Variants in SHANK2 observed in about 807,000 individuals in gnomAD.
SHANK2 encodes SH3 and multiple ankyrin repeat domains protein 2.
A neutral mutation model predicts 133.7 loss-of-function variants in SHANK2; 43 were observed. The ratio of observed to expected loss-of-function variants is 0.32; its 90% CI spans 0.25 to 0.41. The LOEUF is 0.41. SHANK2 is among the 10% of genes least tolerant of loss of function. SHANK2 has a pLI of 1.00. For synonymous variants in SHANK2, 1,017 were observed against 952.8 expected (o/e 1.07, Z -1.24); for missense variants, 1,994 against 2,235.8 (o/e 0.89, Z 2.18).
intron 17 of SHANK2, among the ~76,000 whole-genome samples, chr11:70,650,617 G>A (rs61886380): frequency 0.068 from 10,319 of 152,192 alleles, 427 homozygotes; most frequent in South Asian, 0.12. Flanking sequence ...TAGACCAGCC[G>A]GTCATGCCCA....
chr11:70,725,398 A>C (rs1946157821), intron 14 of SHANK2, among the ~76,000 whole-genome samples: 1 of 152,222 alleles, frequency 6.6e-6, no homozygotes, highest in Non-Finnish European at 1.5e-5. Flanking sequence ...TGGGACAGGA[A>C]GGCACATGGC....
chr11:70,659,042 G>A (rs1358413179), intron 17 of SHANK2, among the ~76,000 whole-genome samples: 1 of 152,114 alleles, frequency 6.6e-6, no homozygotes, highest in Non-Finnish European at 1.5e-5. Flanking sequence ...CTTCCAAAGA[G>A]TCACATGTTC....
In SHANK2 at chr11:70,535,543, T is replaced by C. The variant is rs916105700; in HGVS notation, c.2062-32612A>G. Among the ~76,000 whole-genome samples, 7 of 152,252 alleles carry C rather than the reference T, an allele frequency of 4.6e-5. No homozygotes were observed. The highest frequency in any genetic ancestry group is 2.0e-4 in the Admixed American group (3 of 15,280). ...CCATTCACCATCATCCATCAGTCTATTCATCTGTCTGTTCGTCCATCTCCC... is the reference window on the plus strand; with the variant it reads ...CCATTCACCATCATCCATCAGTCTACTCATCTGTCTGTTCGTCCATCTCCC... On this transcript the variant is annotated intron_variant, in intron 17 of 25. Transcript: ENST00000601538. The surrounding 1 kb of genome is among the most constrained non-coding windows in gnomAD (Gnocchi z 4.3).
chr11:70,800,544 G>C (rs1555050302), intron 13 of SHANK2, among the ~76,000 whole-genome samples: 1 of 152,200 alleles, frequency 6.6e-6, no homozygotes, highest in Non-Finnish European at 1.5e-5. Context: ...AGGCCAGACA[G>C]AGAACCACTC....
intron 17 of SHANK2, among the ~76,000 whole-genome samples, chr11:70,532,765 C>G (rs1469132179): frequency 6.6e-6 from 1 of 152,182 alleles, no homozygotes; most frequent in African/African-American, 2.4e-5. Flanking sequence ...CTACTTATAA[C>G]CCCAGAATAA....
In SHANK2 at chr11:70,710,221, C is replaced by T. The variant is rs782516769; in HGVS notation, c.1778-11458G>A. On this transcript the variant is annotated intron_variant, in intron 14 of 25. Coordinates refer to ENST00000601538, the MANE Select transcript of SHANK2 (RefSeq NM_012309.5). ...CTCTCCCCACACCTGGGGGCTGTGC[C>T]GTCCCCTCAGGCAGGCCTGGCTCCC... Among the ~76,000 whole-genome samples the T allele has an allele frequency of 2.6e-5, 4 of 152,168 alleles. No homozygotes were observed. The East Asian group carries it at 7.7e-4, about 29-fold the overall frequency.
intron 14 of SHANK2, among the ~76,000 whole-genome samples, chr11:70,764,228 A>C: frequency 7.1e-6 from 1 of 141,348 alleles, no homozygotes; most frequent in African/African-American, 2.7e-5. Flanking sequence ...CCATCCATCT[A>C]TCCACTACCC....
intron 17 of SHANK2, among the ~76,000 whole-genome samples, chr11:70,580,699 C>T (rs1398863586): frequency 1.3e-5 from 2 of 152,256 alleles, no homozygotes; most frequent in Non-Finnish European, 2.9e-5. Flanking sequence ...AGGCCTGAGG[C>T]CGCTTCCCCG....
intron 14 of SHANK2, among the ~76,000 whole-genome samples, chr11:70,795,095 G>A (rs1296190645): frequency 6.6e-5 from 10 of 152,158 alleles, no homozygotes; most frequent in African/African-American, 2.4e-4. Flanking sequence ...ACTCCTCTGT[G>A]CTGTGATCTT....
chr11:70,762,599 T>C (rs1302823059), intron 14 of SHANK2, among the ~76,000 whole-genome samples: 1 of 151,984 alleles, frequency 6.6e-6, no homozygotes, highest in Non-Finnish European at 1.5e-5. Flanking sequence ...GGGCTGATGG[T>C]CCAGTACAGA....
At chr11:70,710,234 A>G (rs12422081) in intron 14 of SHANK2, among the ~76,000 whole-genome samples, 59,821 of 152,096 alleles carry the variant, frequency 0.39, 12,240 homozygotes, top group Non-Finnish European at 0.46. Context: ...CCCCTCAGGC[A>G]GGCCTGGCTC....
At chr11:70,781,558 T>TTATATATATATATATATATATA (rs1273792106) in intron 14 of SHANK2, among the ~76,000 whole-genome samples, 3,450 of 28,564 alleles carry the variant, frequency 0.12, 881 homozygotes, top group Non-Finnish European at 0.16. Flanking sequence ...TACTTACTTA[T>TTATATATATATATATATATATA]TATATATATA....
chr11:71,089,411 G>A (rs1172680962), intron 8 of SHANK2, among the ~76,000 whole-genome samples: 3 of 152,118 alleles, frequency 2.0e-5, no homozygotes, highest in African/African-American at 4.8e-5. Context: ...GCATGTCCAC[G>A]CACATGTGGA....
Position 70,493,041 on chromosome 11 carries a change from C to T in SHANK2, c.2309-576G>A, listed in dbSNP as rs180902261. Among the ~76,000 whole-genome samples, 20 of 152,062 alleles carry T rather than the reference C, an allele frequency of 1.3e-4. No homozygotes were observed. In the East Asian group the frequency reaches 3.7e-3, roughly 28 times the overall value. ...GAACTCCTGGCCTCAAGTGATCCACCGGCCTTGGCCTCCCAAAGTGCTGGG... is the reference window on the plus strand; with the variant it reads ...GAACTCCTGGCCTCAAGTGATCCACTGGCCTTGGCCTCCCAAAGTGCTGGG... On this transcript the variant is annotated intron_variant, in intron 21 of 25. Coordinates refer to ENST00000601538, the MANE Select transcript of SHANK2 (RefSeq NM_012309.5).
chr11:71,075,762 T>C (rs1313955722), intron 8 of SHANK2, among the ~76,000 whole-genome samples: 5 of 152,172 alleles, frequency 3.3e-5, no homozygotes, highest in African/African-American at 1.2e-4. Flanking sequence ...AGCCCTGTCC[T>C]TCGACGTGCG....
At chr11:70,863,777 T>C (rs1555068427) in intron 11 of SHANK2, 3 of 456,392 alleles carry the variant, frequency 6.6e-6, no homozygotes, top group Non-Finnish European at 1.3e-5. Flanking sequence ...AGGTAGGTCC[T>C]CATCCAACAG....
chr11:70,537,290 T>C (rs951231391), intron 17 of SHANK2, among the ~76,000 whole-genome samples: 1 of 152,218 alleles, frequency 6.6e-6, no homozygotes, highest in Non-Finnish European at 1.5e-5. Flanking sequence ...CCAAAAGATA[T>C]GTCCTAGTCC....
rs1423318315 is a variant in SHANK2, at chr11:71,073,977, C to G, written c.1029+1182G>C. On this transcript the variant is annotated intron_variant, in intron 9 of 25. Coordinates refer to ENST00000601538, the MANE Select transcript of SHANK2 (RefSeq NM_012309.5). ...AGCTACAGAGGGTGGACAAGAGAGC[C>G]CGGCTCCTCACGCATCTTATGGAGC... is the stretch of plus-strand genomic sequence containing the variant. Among the ~76,000 whole-genome samples the G allele has an allele frequency of 3.3e-5, 5 of 152,248 alleles. No individual in the cohort carries two copies. In the East Asian group the frequency reaches 9.7e-4, roughly 29 times the overall value.
At chr11:71,135,061 T>C (rs1171436583) in intron 3 of SHANK2, among the ~76,000 whole-genome samples, 2 of 152,038 alleles carry the variant, frequency 1.3e-5, no homozygotes, top group Non-Finnish European at 2.9e-5. Context: ...CCCGCAGCCC[T>C]CAGCCTTCTC....
Sources: gnomAD v4.1 joint callset for allele counts (sites outside exome capture counted in the v4.1 genomes callset) on GRCh38, gnomAD v4.1.1 for gene constraint, Gnocchi (gnomAD v3.1) non-coding constraint, MANE v1.5 for transcripts, NCBI Gene and HGNC (gene_info 2026-07-23, HGNC 2026-07-21) for gene names.